The following RALGPS1 variants were observed in gnomAD, a reference collection of about 807,000 sequenced individuals.
RALGPS1 encodes the protein ras-specific guanine nucleotide-releasing factor RalGPS1.
A neutral mutation model predicts 78.8 loss-of-function variants in RALGPS1; 19 were observed. The ratio of observed to expected loss-of-function variants is 0.24; its 90% CI spans 0.17 to 0.35. The LOEUF (loss-of-function observed/expected upper bound fraction) is 0.35, where lower values mean the gene tolerates loss of function less well. Among genes scored for constraint, RALGPS1 ranks in the 10% least tolerant of loss-of-function variants. The probability of loss-of-function intolerance (pLI) is 1.00; values close to 1 mark genes in which losing one functional copy is unlikely to be tolerated. For missense variants in RALGPS1, 454 were observed against 688.3 expected, an observed-to-expected ratio of 0.66 and a Z score of 3.81; for synonymous variants, 228 against 256.3, an observed-to-expected ratio of 0.89 and a Z score of 1.06.
Position 127,069,305 on chromosome 9 carries a change from A to G in RALGPS1, c.559A>G (p.Thr187Ala), listed in dbSNP as rs1466244028. ...LMSKEDNYKR[T>A]REYIRSLKMV... is the part of the protein sequence containing the mutation. ...GTCGAAAGAAGATAATTACAAGCGG[A>G]CACGGGAATATATCCGAAGCCTGAA... Residue 187 changes from threonine to alanine, a missense_variant, in exon 8 of 19, where the codon ACA becomes GCA. Transcript: ENST00000259351. 6.2e-7 allele frequency: 1 copy of G among 1,614,018 alleles called. No individual in the cohort carries two copies. Among genetic ancestry groups the G allele is most frequent in the South Asian group, 1.1e-5 (1 of 91,084 alleles).
chr9:127,218,656 G>T lies in RALGPS1; in HGVS notation c.1645-84G>T. ...CTCATTCCCAGACTCACGGGGAAAG[G>T]CCTGTCCCTTCCCCTAGGGACCACC... On this transcript the variant is annotated intron_variant, in intron 18 of 18. Coordinates refer to ENST00000259351, the MANE Select transcript of RALGPS1 (RefSeq NM_014636.3). The surrounding 1 kb of genome is among the most constrained non-coding windows in gnomAD (Gnocchi z 4.4). The T allele has an allele frequency of 7.0e-7, 1 of 1,426,174 alleles. No individual in the cohort carries two copies. The highest frequency in any genetic ancestry group is 9.9e-7 in the Non-Finnish European group (1 of 1,008,854). The allele number at this position is 1,426,174 out of a possible 1,614,324, so 88.3% of individuals were successfully genotyped here. A position where few individuals can be genotyped will look rare whatever the true frequency, so the allele number is the denominator to read the frequency against.
intron 1 of RALGPS1, among the ~76,000 whole-genome samples, chr9:126,956,942 G>C (rs1375634940): frequency 1.3e-5 from 2 of 152,196 alleles, no homozygotes; most frequent in Admixed American, 6.5e-5. Context: ...CAGTGTCAGG[G>C]ATGATGAAGA....
At chr9:126,966,077 A>G in intron 3 of RALGPS1, 126 bp downstream of exon 3, 1 of 685,692 alleles carries the variant, frequency 1.5e-6, no homozygotes, top group South Asian at 1.7e-5. Context: ...AGTGTTGAGT[A>G]AAGTCCGTAC....
At chr9:126,987,204 G>A (rs1203486423) in intron 4 of RALGPS1, among the ~76,000 whole-genome samples, 4 of 152,092 alleles carry the variant, frequency 2.6e-5, no homozygotes, top group African/African-American at 9.7e-5. Context: ...GGGAGGCTGA[G>A]GTCTGGACCA....
At chr9:127,012,398 C>A (rs1035295905) in intron 4 of RALGPS1, among the ~76,000 whole-genome samples, 1 of 152,224 alleles carries the variant, frequency 6.6e-6, no homozygotes, top group Admixed American at 6.5e-5. Flanking sequence ...TGAGCCTGAC[C>A]GCTTTACAGA....
intron 8 of RALGPS1, among the ~76,000 whole-genome samples, chr9:127,157,076 T>C (rs1588220949): frequency 6.6e-6 from 1 of 152,082 alleles, no homozygotes; most frequent in Non-Finnish European, 1.5e-5. Flanking sequence ...TGTCTAACTC[T>C]GTAGCAATAC....
intron 8 of RALGPS1, among the ~76,000 whole-genome samples, chr9:127,072,439 C>A: frequency 6.6e-6 from 1 of 152,108 alleles, no homozygotes; most frequent in East Asian, 1.9e-4. Flanking sequence ...GGTCTCAAAT[C>A]CCTGAGCTCA....
In RALGPS1 at chr9:127,040,339, T is replaced by G. The variant is rs1002323790; in HGVS notation, c.300+5825T>G. Among the ~76,000 whole-genome samples the G allele has an allele frequency of 2.7e-5, 4 of 149,634 alleles. No homozygotes were observed. In the East Asian group the frequency reaches 7.9e-4, roughly 30 times the overall value. On this transcript the variant is annotated intron_variant, in intron 5 of 18. Coordinates refer to ENST00000259351, the MANE Select transcript of RALGPS1 (RefSeq NM_014636.3). ...TCACTTGCACTCGAGGGGGCGGAGGTTGCAGTGAGCCGAGATCTCACCACT... is the reference window on the plus strand; with the variant it reads ...TCACTTGCACTCGAGGGGGCGGAGGGTGCAGTGAGCCGAGATCTCACCACT...
At chr9:127,196,383 C>T (rs2061348128) in intron 12 of RALGPS1, 91 bp from the exon 13 acceptor site, 1 of 1,453,932 alleles carries the variant, frequency 6.9e-7, no homozygotes, top group Admixed American at 2.1e-5. Flanking sequence ...TTTCCTGCAG[C>T]TGCACCATCT....
chr9:126,937,005 C>T (rs1381695991), intron 1 of RALGPS1, among the ~76,000 whole-genome samples: 1 of 152,072 alleles, frequency 6.6e-6, no homozygotes, highest in Non-Finnish European at 1.5e-5. Flanking sequence ...TATGCACCAC[C>T]AGACCCAGCT....
At chr9:126,924,487 G>C (rs1238425622) in intron 1 of RALGPS1, among the ~76,000 whole-genome samples, 2 of 152,178 alleles carry the variant, frequency 1.3e-5, no homozygotes, top group Non-Finnish European at 2.9e-5. Flanking sequence ...CTGGTATATA[G>C]AAAGATCAAT....
At chr9:127,170,125 TC>T (rs2059493136) in intron 10 of RALGPS1, among the ~76,000 whole-genome samples, 1 of 152,164 alleles carries the variant, frequency 6.6e-6, no homozygotes, top group African/African-American at 2.4e-5. Context: ...TGCATGGTCT[TC>T]ATCTAAGTTC....
intron 8 of RALGPS1, among the ~76,000 whole-genome samples, chr9:127,120,649 C>CT (rs1408809079): frequency 1.2e-4 from 18 of 152,076 alleles, no homozygotes; most frequent in Non-Finnish European, 7.4e-5. Context: ...TGGTGAAACC[C>CT]GTCTCTACTG....
At chr9:127,097,234 T>C (rs973136276) in intron 8 of RALGPS1, among the ~76,000 whole-genome samples, 1 of 152,272 alleles carries the variant, frequency 6.6e-6, no homozygotes, top group Non-Finnish European at 1.5e-5. Context: ...TTTCAACGAT[T>C]GTAGTGTCTG....
chr9:127,034,900 C>G (rs936156199), intron 5 of RALGPS1, among the ~76,000 whole-genome samples: 2 of 152,122 alleles, frequency 1.3e-5, no homozygotes, highest in East Asian at 3.8e-4. Context: ...TGTCAGGCCC[C>G]ATGTGTGTGG....
intron 4 of RALGPS1, among the ~76,000 whole-genome samples, chr9:126,988,627 C>T (rs2042013342): frequency 6.6e-6 from 1 of 152,142 alleles, no homozygotes. Flanking sequence ...TTAAGATGTT[C>T]ATTTCAACTG....
intron 11 of RALGPS1, among the ~76,000 whole-genome samples, chr9:127,176,350 T>A (rs1182075284): frequency 4.6e-5 from 7 of 152,134 alleles, no homozygotes; most frequent in African/African-American, 4.8e-5. Context: ...CTAGAACACC[T>A]TCCCCCTCGG....
At position 127,052,877 on chromosome 9, in the gene RALGPS1, C is replaced by G. The variant is rs1015123599; in HGVS notation, c.421C>G (p.Leu141Val). Residue 141 changes from leucine to valine, a missense_variant, in exon 7 of 19, where the codon CTC (leucine) becomes GTC (valine). By Grantham distance (32) the Leu-to-Val change is conservative. Transcript: ENST00000259351. ...TCTAGAACTCAACAACCTTCATTCT[C>G]TCATGTCTGTGGTATCAGCATTACA... ...KLLELNNLHS[L>V]MSVVSALQSA... 3.7e-6 allele frequency: 6 copies of G among 1,610,444 alleles called. No individual in the cohort carries two copies. The African/African-American group carries it at 4.0e-5, about 11-fold the overall frequency.
In RALGPS1 at chr9:126,984,401, C is replaced by T. The variant is rs553865293; in HGVS notation, c.216+6656C>T. On this transcript the variant is annotated intron_variant, in intron 4 of 18. Transcript: ENST00000259351. ...TACAGGCATGAGCTGCCACGCCTGA[C>T]TCTTATAGCTGAAATTCTTAAGAAG... 2.6e-5 allele frequency among the ~76,000 whole-genome samples: 4 copies of T among 152,372 alleles called. No individual in the cohort carries two copies. In the South Asian group the frequency reaches 8.3e-4, roughly 32 times the overall value.
Sources: gnomAD v4.1 joint callset for allele counts (sites outside exome capture counted in the v4.1 genomes callset) on GRCh38, gnomAD v4.1.1 for gene constraint, Gnocchi (gnomAD v3.1) non-coding constraint, MANE v1.5 for transcripts, NCBI Gene and HGNC (gene_info 2026-07-23, HGNC 2026-07-21) for gene names.